Variants in NELL1 observed in about 807,000 individuals in gnomAD.
The protein encoded by NELL1 is neural EGFL like 1.
A neutral mutation model predicts 107.4 loss-of-function variants in NELL1; 76 were observed. The observed-to-expected ratio is 0.71, with a 90% confidence interval of 0.59 to 0.86. The LOEUF (loss-of-function observed/expected upper bound fraction) is 0.86, where lower values mean the gene tolerates loss of function less well. NELL1 is among the 40% of genes least tolerant of loss of function. The pLI, the probability that NELL1 is intolerant of heterozygous loss-of-function variation, is 0.00. For synonymous variants in NELL1, 353 were observed against 341.2 expected (o/e 1.03, Z -0.38); for missense variants, 1,024 against 1,005.5 (o/e 1.02, Z -0.25).
At chr11:21,276,580 G>A (rs1014038266) in intron 14 of NELL1, among the ~76,000 whole-genome samples, 3 of 152,156 alleles carry the variant, frequency 2.0e-5, no homozygotes, top group South Asian at 2.1e-4. Flanking sequence ...AAAAGAGCCT[G>A]CATTGCCAAG....
chr11:20,673,594 T>C (rs1284240997), intron 1 of NELL1, among the ~76,000 whole-genome samples: 1 of 152,208 alleles, frequency 6.6e-6, no homozygotes, highest in Non-Finnish European at 1.5e-5. Context: ...ATAGCAGCAG[T>C]AGCAGCAGGT....
At chr11:21,007,388 GACACAC>G (rs66809505) in intron 12 of NELL1, among the ~76,000 whole-genome samples, 190 of 149,214 alleles carry the variant, frequency 1.3e-3, no homozygotes, top group South Asian at 1.3e-3. Context: ...CACACACACA[GACACAC>G]ACACACACAC....
At chr11:21,108,967 A>G (rs1371708270) in intron 12 of NELL1, among the ~76,000 whole-genome samples, 1 of 152,144 alleles carries the variant, frequency 6.6e-6, no homozygotes, top group East Asian at 1.9e-4. Context: ...ACATAATCAT[A>G]GCATCAAAAT....
chr11:21,391,148 T>C (rs537265732), intron 15 of NELL1, among the ~76,000 whole-genome samples: 1 of 151,996 alleles, frequency 6.6e-6, no homozygotes, highest in Admixed American at 6.6e-5. Flanking sequence ...AATTCTAGGT[T>C]ATATAAAACA....
At chr11:20,672,279 C>T (rs1206247915) in intron 1 of NELL1, among the ~76,000 whole-genome samples, 1 of 152,178 alleles carries the variant, frequency 6.6e-6, no homozygotes, top group Admixed American at 6.5e-5. Flanking sequence ...CAAACAGCTG[C>T]GTTGAAAGTT....
chr11:21,357,981 T>G (rs1398149976), intron 14 of NELL1, among the ~76,000 whole-genome samples: 1 of 152,252 alleles, frequency 6.6e-6, no homozygotes, highest in Non-Finnish European at 1.5e-5. Flanking sequence ...TTCTGCTTTC[T>G]CTATTCTGTT....
intron 15 of NELL1, among the ~76,000 whole-genome samples, chr11:21,521,673 T>A (rs557432689): frequency 1.3e-5 from 2 of 152,172 alleles, no homozygotes; most frequent in Non-Finnish European, 2.9e-5. Flanking sequence ...TGTAGTTTTA[T>A]TTTTAGTTCT....
At chr11:21,077,362 C>T (rs558475208) in intron 12 of NELL1, among the ~76,000 whole-genome samples, 18 of 151,892 alleles carry the variant, frequency 1.2e-4, no homozygotes, top group Non-Finnish European at 2.5e-4. Flanking sequence ...CTATAAAAAG[C>T]CAATAAGCCA....
intron 12 of NELL1, among the ~76,000 whole-genome samples, chr11:21,111,576 C>T (rs1284532675): frequency 6.6e-6 from 1 of 152,026 alleles, no homozygotes; most frequent in Non-Finnish European, 1.5e-5. Flanking sequence ...TGGTGGCTTG[C>T]TCCTCACTTG....
intron 15 of NELL1, among the ~76,000 whole-genome samples, chr11:21,521,064 C>T (rs1017788383): frequency 9.2e-5 from 14 of 151,986 alleles, no homozygotes; most frequent in African/African-American, 3.4e-4. Context: ...ATGTACCTGA[C>T]TTTTACTGGT....
chr11:20,922,023 G>A (rs1850390320), intron 7 of NELL1, among the ~76,000 whole-genome samples: 1 of 151,942 alleles, frequency 6.6e-6, no homozygotes, highest in South Asian at 2.1e-4. Flanking sequence ...TCTAGCTGGT[G>A]CCAAGGTCTG....
At chr11:20,843,909 A>G (rs1284249896) in intron 3 of NELL1, among the ~76,000 whole-genome samples, 2 of 152,138 alleles carry the variant, frequency 1.3e-5, no homozygotes, top group Non-Finnish European at 2.9e-5. Context: ...TTGAGGAATT[A>G]TGCATGTTGA....
At chr11:21,026,930 G>C (rs184162865) in intron 12 of NELL1, among the ~76,000 whole-genome samples, 1 of 152,130 alleles carries the variant, frequency 6.6e-6, no homozygotes, top group Non-Finnish European at 1.5e-5. Context: ...TTCCACCCCA[G>C]CCCTTCTTAG....
intron 14 of NELL1, among the ~76,000 whole-genome samples, chr11:21,286,814 T>G (rs2133954305): frequency 6.6e-6 from 1 of 152,358 alleles, no homozygotes; most frequent in South Asian, 2.1e-4. Flanking sequence ...ACGTGTTTTC[T>G]TTCCTTGTCC....
chr11:21,153,064 C>A (rs1180884080), intron 13 of NELL1, among the ~76,000 whole-genome samples: 3 of 152,140 alleles, frequency 2.0e-5, no homozygotes, highest in African/African-American at 7.2e-5. Flanking sequence ...ATGCAGATGG[C>A]ATATAGCTGG....
At chr11:21,120,677 T>A (rs1409918946) in intron 13 of NELL1, among the ~76,000 whole-genome samples, 1 of 152,162 alleles carries the variant, frequency 6.6e-6, no homozygotes, top group Non-Finnish European at 1.5e-5. Flanking sequence ...AGTAAAAATA[T>A]GCTCTATGAA....
At chr11:21,129,389 T>C (rs913686092) in intron 13 of NELL1, among the ~76,000 whole-genome samples, 5 of 152,242 alleles carry the variant, frequency 3.3e-5, no homozygotes, top group African/African-American at 1.2e-4. Flanking sequence ...AATTAAATGA[T>C]CTGGCGATTC....
chr11:20,947,356 T>C lies in NELL1; in HGVS notation c.1092T>C (p.Ile364=), dbSNP rs771361204. The C allele has an allele frequency of 6.2e-7, 1 of 1,613,850 alleles. No homozygotes were observed. The highest frequency in any genetic ancestry group is 1.7e-5 in the Admixed American group (1 of 59,980). ...TCCAGGGTGGAGTTTTAGTAAAAATTACAGAAATGTGTCCTCCTTTGAACT... is the reference window on the plus strand; with the variant it reads ...TCCAGGGTGGAGTTTTAGTAAAAATCACAGAAATGTGTCCTCCTTTGAACT... ...RECRGGVLVK[I]TEMCPPLNCS... is the part of the protein sequence containing the mutation. Residue 364 remains isoleucine, a synonymous_variant, in exon 11 of 20, where the codon ATT becomes ATC. Transcript: ENST00000357134.
At chr11:21,032,520 C>G (rs983578070) in intron 12 of NELL1, among the ~76,000 whole-genome samples, 5 of 152,134 alleles carry the variant, frequency 3.3e-5, no homozygotes, top group African/African-American at 1.2e-4. Flanking sequence ...TCCCAGGTAG[C>G]TGGGATTACA....
Sources: allele counts gnomAD v4.1 joint callset (sites outside exome capture counted in the v4.1 genomes callset), GRCh38; gene constraint gnomAD v4.1.1; transcripts MANE v1.5; gene names NCBI Gene and HGNC (gene_info 2026-07-23, HGNC 2026-07-21).